Variants in GRM7 observed in about 807,000 individuals in gnomAD.
GRM7 encodes metabotropic glutamate receptor 7.
GRM7 carries 35 observed loss-of-function variants against 84.5 expected under a neutral mutation model. The observed-to-expected ratio is 0.41, with a 90% confidence interval of 0.32 to 0.55. GRM7 has a LOEUF of 0.55. Among genes scored for constraint, GRM7 ranks in the 20% least tolerant of loss-of-function variants. The pLI is 0.19. For missense variants in GRM7, 1,003 were observed against 1,194.6 expected (o/e 0.84, Z 2.36); for synonymous variants, 487 against 455.1 (o/e 1.07, Z -0.89).
Position 7,020,292 on chromosome 3 carries a change from T to C in GRM7, c.520-126160T>C, listed in dbSNP as rs533957961. Among the ~76,000 whole-genome samples, 13 of 152,310 alleles carry C rather than the reference T, an allele frequency of 8.5e-5. 1 individual carries two copies. In the South Asian group the frequency reaches 2.5e-3, roughly 29 times the overall value. On this transcript the variant is annotated intron_variant, in intron 1 of 9. Coordinates refer to ENST00000357716, the MANE Select transcript of GRM7 (RefSeq NM_000844.4). ...ACTGTATGATTCCAACTATGTGACA[T>C]TCTGGAAAAGGCAACACTATGGAGA...
At chr3:7,291,026 T>C (rs946259922) in intron 2 of GRM7, among the ~76,000 whole-genome samples, 2 of 152,090 alleles carry the variant, frequency 1.3e-5, no homozygotes, top group African/African-American at 2.4e-5. Context: ...TCTCCCTCTC[T>C]CACCTAACAA....
At chr3:6,864,967 C>G (rs1275043101) in intron 1 of GRM7, among the ~76,000 whole-genome samples, 1 of 152,242 alleles carries the variant, frequency 6.6e-6, no homozygotes, top group African/African-American at 2.4e-5. Context: ...TCTCTCCTCT[C>G]TTTACACACT....
At chr3:7,513,997 C>A (rs1700294932) in intron 7 of GRM7, among the ~76,000 whole-genome samples, 1 of 152,222 alleles carries the variant, frequency 6.6e-6, no homozygotes, top group Admixed American at 6.5e-5. Context: ...CACTTCACTA[C>A]TAACTGTGTG....
At chr3:7,597,625 A>G (rs781337248) in intron 8 of GRM7, among the ~76,000 whole-genome samples, 12 of 152,040 alleles carry the variant, frequency 7.9e-5, no homozygotes, top group Non-Finnish European at 1.8e-4. Context: ...TCCATCTATT[A>G]GATAGTGCAC....
At chr3:7,098,270 GT>G (rs1367571181) in intron 1 of GRM7, among the ~76,000 whole-genome samples, 1 of 151,978 alleles carries the variant, frequency 6.6e-6, no homozygotes, top group African/African-American at 2.4e-5. Flanking sequence ...CCAATACACA[GT>G]TATTTGTTGG....
intron 1 of GRM7, among the ~76,000 whole-genome samples, chr3:6,946,274 A>G (rs1372570725): frequency 1.3e-5 from 2 of 152,202 alleles, no homozygotes; most frequent in Admixed American, 6.5e-5. Flanking sequence ...AGCTTTCTAC[A>G]TATGGCTAGC....
chr3:7,716,090 G>A (rs533066265), intron 9 of GRM7, among the ~76,000 whole-genome samples: 1 of 152,272 alleles, frequency 6.6e-6, no homozygotes, highest in East Asian at 1.9e-4. Context: ...AGGGGTATCT[G>A]AGAAAACCCA....
At chr3:7,705,146 C>T (rs1433046667) in intron 9 of GRM7, among the ~76,000 whole-genome samples, 2 of 152,096 alleles carry the variant, frequency 1.3e-5, no homozygotes, top group Non-Finnish European at 2.9e-5. Context: ...AATAGCTTCA[C>T]CTTGGCCAAC....
At chr3:7,257,084 C>G (rs1424420133) in intron 2 of GRM7, among the ~76,000 whole-genome samples, 1 of 152,020 alleles carries the variant, frequency 6.6e-6, no homozygotes, top group Non-Finnish European at 1.5e-5. Context: ...TCAGTACACT[C>G]ACTAAAATAG....
At chr3:7,238,557 C>T (rs1385095747) in intron 2 of GRM7, among the ~76,000 whole-genome samples, 1 of 151,992 alleles carries the variant, frequency 6.6e-6, no homozygotes, top group Non-Finnish European at 1.5e-5. Flanking sequence ...ACCTTTTCTC[C>T]TTTCAAGGCT....
At chr3:7,567,239 C>G (rs1304008025) in intron 7 of GRM7, among the ~76,000 whole-genome samples, 2 of 152,186 alleles carry the variant, frequency 1.3e-5, no homozygotes, top group African/African-American at 4.8e-5. Context: ...TGTAATTCCA[C>G]TACAATATTG....
chr3:7,380,617 G>A (rs1019749011), intron 4 of GRM7, among the ~76,000 whole-genome samples: 1 of 152,182 alleles, frequency 6.6e-6, no homozygotes, highest in Non-Finnish European at 1.5e-5. Flanking sequence ...CTGAAGCAAG[G>A]TGAGCAAGAA....
At chr3:6,959,609 G>A (rs1693213341) in intron 1 of GRM7, among the ~76,000 whole-genome samples, 1 of 152,086 alleles carries the variant, frequency 6.6e-6, no homozygotes. Context: ...TACCCCATCT[G>A]ACCTCATTAA....
intron 9 of GRM7, among the ~76,000 whole-genome samples, chr3:7,692,226 A>G (rs1265445456): frequency 2.6e-5 from 4 of 152,094 alleles, no homozygotes; most frequent in Non-Finnish European, 5.9e-5. Context: ...GGCTCATACC[A>G]CCTGATATAT....
intron 6 of GRM7, among the ~76,000 whole-genome samples, chr3:7,455,029 C>T (rs1251304318): frequency 6.6e-6 from 1 of 152,046 alleles, no homozygotes; most frequent in Non-Finnish European, 1.5e-5. Context: ...CATGCTGTAC[C>T]AGAATATAAG....
At chr3:7,084,268 G>C (rs569938024) in intron 1 of GRM7, among the ~76,000 whole-genome samples, 1 of 152,184 alleles carries the variant, frequency 6.6e-6, no homozygotes, top group East Asian at 1.9e-4. Context: ...CTCAAGCATG[G>C]TTCCTGGGGC....
intron 8 of GRM7, among the ~76,000 whole-genome samples, chr3:7,674,935 T>C (rs1278869232): frequency 1.3e-5 from 2 of 152,220 alleles, no homozygotes; most frequent in South Asian, 2.1e-4. Flanking sequence ...AGGTTTTTCA[T>C]ATACAGCCTA....
At chr3:7,080,152 C>T (rs1388987737) in intron 1 of GRM7, among the ~76,000 whole-genome samples, 1 of 152,062 alleles carries the variant, frequency 6.6e-6, no homozygotes, top group Non-Finnish European at 1.5e-5. Flanking sequence ...TCCGAACTGT[C>T]TTTCCCCCAG....
intron 8 of GRM7, among the ~76,000 whole-genome samples, chr3:7,678,287 A>C (rs1189262982): frequency 6.6e-6 from 1 of 152,212 alleles, no homozygotes; most frequent in East Asian, 1.9e-4. Flanking sequence ...TATAATTTAT[A>C]ATTATAAATA....
Sources: allele counts gnomAD v4.1 joint callset (sites outside exome capture counted in the v4.1 genomes callset), GRCh38; gene constraint gnomAD v4.1.1; transcripts MANE v1.5; gene names NCBI Gene and HGNC (gene_info 2026-07-23, HGNC 2026-07-21).